MEF2A: variants seen among roughly 807,000 people sequenced by gnomAD.
MEF2A encodes the protein myocyte-specific enhancer factor 2A.
Under a neutral mutation model 55.8 loss-of-function variants are expected in MEF2A, and 28 were observed. That is an observed-to-expected ratio of 0.50 (90% CI 0.37 to 0.69). The LOEUF (loss-of-function observed/expected upper bound fraction) is 0.69, where lower values mean the gene tolerates loss of function less well. MEF2A is among the 30% of genes least tolerant of loss of function. MEF2A has a pLI of 0.00. For synonymous variants in MEF2A, 239 were observed against 227.1 expected, an observed-to-expected ratio of 1.05 and a Z score of -0.47; for missense variants, 528 against 626.2, an observed-to-expected ratio of 0.84 and a Z score of 1.67.
chr15:99,679,604 T>G (rs2052820494), intron 7 of MEF2A, among the ~76,000 whole-genome samples: 1 of 152,180 alleles, frequency 6.6e-6, no homozygotes, highest in Non-Finnish European at 1.5e-5. Flanking sequence ...TTACTTTGGG[T>G]AGGTGGGACT....
rs765871853 is a variant in MEF2A, at chr15:99,698,981, C to T, written c.859-4381C>T. 1.0e-3 allele frequency among the ~76,000 whole-genome samples: 156 copies of T among 151,564 alleles called. 1 individual carries two copies. The highest frequency in any genetic ancestry group is 1.2e-3 in the Non-Finnish European group (82 of 67,858). On this transcript the variant is annotated intron_variant, in intron 8 of 11. Transcript: ENST00000557942. The stretch of plus-strand genomic sequence containing the variant: ...CCTATAATCCCTGCACTTTGGGAGG[C>T]CAAGGCAGGAAGACTGCTTGAGCCC...
chr15:99,679,539 G>A (rs957185823), intron 7 of MEF2A, among the ~76,000 whole-genome samples: 1 of 151,810 alleles, frequency 6.6e-6, no homozygotes, highest in Non-Finnish European at 1.5e-5. Context: ...TGTGTAGATA[G>A]ATGGCAGAGC....
At chr15:99,648,650 A>G (rs2046367236) in intron 4 of MEF2A, among the ~76,000 whole-genome samples, 2 of 152,180 alleles carry the variant, frequency 1.3e-5, no homozygotes, top group African/African-American at 4.8e-5. Context: ...TTCCGTTTGC[A>G]TATATGTTAG....
At chr15:99,689,317 A>C (rs141229136) in intron 7 of MEF2A, among the ~76,000 whole-genome samples, 1 of 152,354 alleles carries the variant, frequency 6.6e-6, no homozygotes, top group East Asian at 1.9e-4. Context: ...AATAAGCTGC[A>C]GTTAAGAAGC....
At chr15:99,605,177 G>A (rs1974605092) in intron 2 of MEF2A, among the ~76,000 whole-genome samples, 1 of 152,096 alleles carries the variant, frequency 6.6e-6, no homozygotes, top group African/African-American at 2.4e-5. Context: ...CGAACTCCTG[G>A]CCTCAAGTGA....
At chr15:99,615,964 C>T (rs1449798720) in intron 2 of MEF2A, among the ~76,000 whole-genome samples, 8 of 152,198 alleles carry the variant, frequency 5.3e-5, no homozygotes, top group Middle Eastern at 3.4e-3. Flanking sequence ...AACTTGGATT[C>T]AAAATGGACT....
In MEF2A at chr15:99,674,375, C is replaced by T. The variant is rs764449841; in HGVS notation, c.391-18C>T. The T allele has an allele frequency of 2.8e-5, 44 of 1,572,262 alleles. No individual in the cohort carries two copies. In the Admixed American group the frequency reaches 3.3e-4, roughly 12 times the overall value. Reference sequence around the variant, plus strand: ...ATACGAAACCAACAGTTTTTTCCTTCTTTTTCTTTATTTACAGCCTGGTCT... The same window carrying T: ...ATACGAAACCAACAGTTTTTTCCTTTTTTTTCTTTATTTACAGCCTGGTCT... On this transcript the variant is annotated intron_variant, in intron 5 of 11. Transcript: ENST00000557942.
chr15:99,674,391 A>T lies in MEF2A; in HGVS notation c.391-2A>T. ...TTTTTCCTTCTTTTTCTTTATTTACAGCCTGGTCTGCCACCTCAGAACTTT... is the reference window on the plus strand; with the variant it reads ...TTTTTCCTTCTTTTTCTTTATTTACTGCCTGGTCTGCCACCTCAGAACTTT... On this transcript the variant is annotated splice_acceptor_variant, in intron 5 of 11. Transcript: ENST00000557942. LOFTEE classifies it high-confidence loss of function. The T allele has an allele frequency of 6.3e-7, 1 of 1,594,226 alleles. No homozygotes were observed. Among genetic ancestry groups the T allele is most frequent in the Non-Finnish European group, 8.6e-7 (1 of 1,166,940 alleles).
chr15:99,683,076 C>G (rs911958731), intron 7 of MEF2A, among the ~76,000 whole-genome samples: 6 of 152,106 alleles, frequency 3.9e-5, no homozygotes, highest in Non-Finnish European at 8.8e-5. Flanking sequence ...TAGCGGTTAC[C>G]TCTGTCCAAG....
At chr15:99,654,485 C>A (rs372380806) in intron 4 of MEF2A, among the ~76,000 whole-genome samples, 1 of 150,000 alleles carries the variant, frequency 6.7e-6, no homozygotes, top group Admixed American at 6.7e-5. Context: ...GAAGACCTCA[C>A]TGAAATTGGT....
At position 99,664,209 on chromosome 15, in the gene MEF2A, A is replaced by G. The variant is rs555395036; in HGVS notation, c.259-7114A>G. On this transcript the variant is annotated intron_variant, in intron 4 of 11. Transcript: ENST00000557942. The stretch of plus-strand genomic sequence containing the variant: ...ATAATGTGTTACCTAAAGGATCACT[A>G]ACAGTTTTCTTCCTCATGCTTCTTT... Among the ~76,000 whole-genome samples the G allele has an allele frequency of 2.6e-5, 4 of 152,338 alleles. No homozygotes were observed. The East Asian group carries it at 7.7e-4, about 29-fold the overall frequency.
At position 99,674,463 on chromosome 15, in the gene MEF2A, A is replaced by G. The variant is rs374058145; in HGVS notation, c.461A>G (p.Tyr154Cys). ...VPVTSPNALS[Y>C]TNPGSSLVSP... is the part of the protein sequence containing the mutation. ...GTGACCAGCCCCAATGCTTTGTCCT[A>G]CACTAACCCAGGGAGTTCACTGGTG... The change falls in exon 6 of 12, where the codon TAC becomes TGC. Residue 154 changes from tyrosine to cysteine, a missense_variant. Around this residue, in one of 2 missense-constraint regions of MEF2A, gnomAD observed 450 missense variants for 475.3 expected, o/e 0.95. Coordinates refer to ENST00000557942, the MANE Select transcript of MEF2A (RefSeq NM_001319206.4). 3.4e-5 allele frequency: 55 copies of G among 1,613,864 alleles called. No individual in the cohort carries two copies. Among genetic ancestry groups the G allele is most frequent in the Non-Finnish European group, 4.3e-5 (51 of 1,179,896 alleles).
chr15:99,626,825 C>T (rs2042121687), intron 2 of MEF2A, among the ~76,000 whole-genome samples: 1 of 152,054 alleles, frequency 6.6e-6, no homozygotes, highest in Admixed American at 6.5e-5. Flanking sequence ...CTCTCAGGAT[C>T]AAGACAAGCA....
At chr15:99,705,899 T>C (rs1411776631) in intron 9 of MEF2A, among the ~76,000 whole-genome samples, 1 of 152,230 alleles carries the variant, frequency 6.6e-6, no homozygotes, top group Non-Finnish European at 1.5e-5. Context: ...GTTCCTCTGA[T>C]CTTTGATTTT....
At chr15:99,706,625 G>T in intron 9 of MEF2A, 104 bp from the exon 10 acceptor site, 2 of 1,279,548 alleles carry the variant, frequency 1.6e-6, no homozygotes, top group Non-Finnish European at 2.2e-6. Flanking sequence ...TTCAGAAAAT[G>T]ACATTCATAT....
intron 11 of MEF2A, among the ~76,000 whole-genome samples, chr15:99,711,079 G>A (rs905793734): frequency 6.6e-6 from 1 of 152,172 alleles, no homozygotes; most frequent in Non-Finnish European, 1.5e-5. Flanking sequence ...CCATCCTTCT[G>A]CCCTCTGACC....
intron 4 of MEF2A, 107 bp downstream of exon 4, chr15:99,645,871 A>G (rs765220894): frequency 6.6e-6 from 5 of 759,180 alleles, no homozygotes; most frequent in African/African-American, 1.8e-5. Flanking sequence ...AATTAGGTGT[A>G]TATGTATCTT....
At chr15:99,666,536 A>G (rs537414782) in intron 4 of MEF2A, among the ~76,000 whole-genome samples, 21 of 151,164 alleles carry the variant, frequency 1.4e-4, no homozygotes, top group African/African-American at 4.4e-4. Flanking sequence ...ATACCTGTGT[A>G]ACAAACCTGC....
At chr15:99,569,122 CTG>C (rs1336861352) in intron 1 of MEF2A, among the ~76,000 whole-genome samples, 4 of 152,222 alleles carry the variant, frequency 2.6e-5, no homozygotes, top group African/African-American at 7.2e-5. Context: ...CTGCTTGACT[CTG>C]TAGTCAGATC....
Sources: gnomAD v4.1 joint callset for allele counts (sites outside exome capture counted in the v4.1 genomes callset) on GRCh38, gnomAD v4.1.1 for gene constraint, gnomAD v4.1.1 regional missense constraint, MANE v1.5 for transcripts, NCBI Gene and HGNC (gene_info 2026-07-23, HGNC 2026-07-21) for gene names.